The following TGFBRAP1 variants were observed in gnomAD, a reference collection of about 807,000 sequenced individuals.
TGFBRAP1 encodes the protein transforming growth factor beta receptor associated protein 1.
A neutral mutation model predicts 83.2 loss-of-function variants in TGFBRAP1; 20 were observed. That is an observed-to-expected ratio of 0.24 (90% CI 0.17 to 0.35). The LOEUF (loss-of-function observed/expected upper bound fraction) is 0.35. Ranked by LOEUF, TGFBRAP1 falls within the 10% of genes least tolerant of loss-of-function variation. TGFBRAP1 has a pLI of 1.00. For synonymous variants in TGFBRAP1, 415 were observed against 459.8 expected (o/e 0.90, Z 1.25); for missense variants, 950 against 1,099.4 (o/e 0.86, Z 1.92).
At chr2:105,295,803 C>T (rs569843904) in intron 4 of TGFBRAP1, among the ~76,000 whole-genome samples, 3 of 120,646 alleles carry the variant, frequency 2.5e-5, no homozygotes, top group Non-Finnish European at 5.2e-5. Flanking sequence ...GAGCGAGACT[C>T]CATCTCAAAA....
chr2:105,314,074 T>C (rs926943577), intron 1 of TGFBRAP1, among the ~76,000 whole-genome samples: 4 of 151,974 alleles, frequency 2.6e-5, no homozygotes, highest in Admixed American at 6.5e-5. Context: ...AGGGGAAATT[T>C]GTACACAGAG....
downstream of TGFBRAP1, among the ~76,000 whole-genome samples, chr2:105,261,532 A>G (rs183460019): frequency 1.3e-5 from 2 of 152,300 alleles, no homozygotes; most frequent in Admixed American, 6.5e-5. Context: ...TAGGAGGATC[A>G]CTTAAGGTCA....
chr2:105,304,064 A>C (rs1678402510), intron 2 of TGFBRAP1, among the ~76,000 whole-genome samples: 1 of 152,260 alleles, frequency 6.6e-6, no homozygotes, highest in Admixed American at 6.5e-5. Context: ...ATAAGTGTAT[A>C]TATATATTTA....
chr2:105,284,389 T>C lies in TGFBRAP1; in HGVS notation c.1048A>G (p.Arg350Gly). The change falls in exon 5 of 12, where the codon AGA becomes GGA. Residue 350 changes from arginine (R) to glycine (G), a missense_variant. By Grantham distance (125) the Arg-to-Gly change is moderately radical. Transcript: ENST00000393359. The stretch of plus-strand genomic sequence containing the variant: ...AATCCCGCCTGCTGCAGAATCCTTC[T>C]GTACATTACCTGCAAGGAAAGACGG... ...IPKEKFQVMY[R>G]RILQQAGFIQ... is the part of the protein sequence containing the mutation. 1 of 1,614,036 alleles carries C rather than the reference T, an allele frequency of 6.2e-7. No homozygotes were observed. Among genetic ancestry groups the C allele is most frequent in the Non-Finnish European group, 8.5e-7 (1 of 1,179,934 alleles).
At chr2:105,318,024 CA>C (rs1337856321) in intron 1 of TGFBRAP1, among the ~76,000 whole-genome samples, 3 of 152,120 alleles carry the variant, frequency 2.0e-5, no homozygotes, top group African/African-American at 7.2e-5. Context: ...TCCACCATGC[CA>C]GGGGAAGGTT....
the TGFBRAP1 span, among the ~76,000 whole-genome samples, chr2:105,254,058 G>GTT: frequency 1.4e-5 from 2 of 144,620 alleles, no homozygotes; most frequent in African/African-American, 5.1e-5. Context: ...GATATTCAAG[G>GTT]TTTTTTTTTT....
At chr2:105,294,911 G>GC (rs1010472601) in intron 4 of TGFBRAP1, among the ~76,000 whole-genome samples, 1 of 147,714 alleles carries the variant, frequency 6.8e-6, no homozygotes, top group Non-Finnish European at 1.5e-5. Flanking sequence ...TTGGAATGTG[G>GC]CCCCCCTGGA....
At chr2:105,318,943 T>C (rs936197776) in intron 1 of TGFBRAP1, among the ~76,000 whole-genome samples, 9 of 152,284 alleles carry the variant, frequency 5.9e-5, no homozygotes, top group Middle Eastern at 6.8e-3. Context: ...TTCAACCAGT[T>C]CAAAACTGGT....
chr2:105,319,942 C>T (rs1230614152), intron 1 of TGFBRAP1, among the ~76,000 whole-genome samples: 2 of 151,492 alleles, frequency 1.3e-5, no homozygotes, highest in East Asian at 1.9e-4. Flanking sequence ...TACACACATA[C>T]ATACACACAC....
chr2:105,297,473 C>A (rs1039397462), intron 3 of TGFBRAP1, among the ~76,000 whole-genome samples: 3 of 152,222 alleles, frequency 2.0e-5, no homozygotes, highest in African/African-American at 7.2e-5. Flanking sequence ...AGAGCCCCAC[C>A]GGAATTAGCC....
At chr2:105,325,072 T>G (rs1202086904) in intron 1 of TGFBRAP1, 1 of 152,360 alleles carries the variant, frequency 6.6e-6, no homozygotes, top group Non-Finnish European at 1.5e-5. Flanking sequence ...CAGCTACTTC[T>G]GGATGAAGAG....
intron 4 of TGFBRAP1, among the ~76,000 whole-genome samples, chr2:105,288,062 T>C (rs1677776105): frequency 6.6e-6 from 1 of 152,208 alleles, no homozygotes; most frequent in South Asian, 2.1e-4. Flanking sequence ...TGGAGTCATT[T>C]ACTGCAACTC....
At chr2:105,320,356 C>T (rs759769765) in intron 1 of TGFBRAP1, among the ~76,000 whole-genome samples, 1 of 152,084 alleles carries the variant, frequency 6.6e-6, no homozygotes, top group Non-Finnish European at 1.5e-5. Context: ...GGACACACTA[C>T]CTCAAGTAAG....
chr2:105,255,628 T>G, the TGFBRAP1 span, among the ~76,000 whole-genome samples: 1 of 152,164 alleles, frequency 6.6e-6, no homozygotes, highest in Non-Finnish European at 1.5e-5. Flanking sequence ...AGAATGCTTT[T>G]CAAATGCAAA....
chr2:105,252,945 G>A, the TGFBRAP1 span, among the ~76,000 whole-genome samples: 5 of 151,686 alleles, frequency 3.3e-5, no homozygotes, highest in South Asian at 4.2e-4. Flanking sequence ...TAGTAGCGAC[G>A]GGGTTTCACC....
chr2:105,286,263 T>C (rs1356945364), intron 4 of TGFBRAP1, among the ~76,000 whole-genome samples: 2 of 152,320 alleles, frequency 1.3e-5, no homozygotes, highest in African/African-American at 2.4e-5. Flanking sequence ...GTAAGCATCA[T>C]GGATGCTGAA....
chr2:105,300,458 A>T (rs1678248689), intron 2 of TGFBRAP1, among the ~76,000 whole-genome samples: 1 of 110,092 alleles, frequency 9.1e-6, no homozygotes. Flanking sequence ...TTTTTTTCCG[A>T]GACAGTCTCG....
chr2:105,286,533 G>A (rs1296270147), intron 4 of TGFBRAP1, among the ~76,000 whole-genome samples: 8 of 152,210 alleles, frequency 5.3e-5, no homozygotes, highest in Non-Finnish European at 8.8e-5. Flanking sequence ...TTTATCTCCA[G>A]AGCTAACTCA....
At chr2:105,267,931 G>T (rs544727490) in intron 11 of TGFBRAP1, 1 of 967,024 alleles carries the variant, frequency 1.0e-6, no homozygotes, top group South Asian at 4.8e-5. Context: ...TAACTCCAGG[G>T]TTCTCTCATT....
Sources: allele counts gnomAD v4.1 joint callset (sites outside exome capture counted in the v4.1 genomes callset), GRCh38; gene constraint gnomAD v4.1.1; transcripts MANE v1.5; gene names NCBI Gene and HGNC (gene_info 2026-07-23, HGNC 2026-07-21).